COL6A6: variants seen among roughly 807,000 people sequenced by gnomAD.
COL6A6 encodes collagen alpha-6(VI) chain.
COL6A6 carries 183 observed loss-of-function variants against 208.6 expected under a neutral mutation model. That is an observed-to-expected ratio of 0.88 (90% CI 0.78 to 0.99). The LOEUF is 0.99. Ranked by LOEUF, COL6A6 falls within the 50% of genes least tolerant of loss-of-function variation. COL6A6 has a pLI of 0.00. For missense variants in COL6A6, 2,816 were observed against 2,815.2 expected (o/e 1.00, Z -0.01); for synonymous variants, 973 against 1,011.8 (o/e 0.96, Z 0.73).
chr3:130,574,235 T>A lies in COL6A6; in HGVS notation c.3257T>A (p.Val1086Glu). 1 of 1,613,576 alleles carries A rather than the reference T, an allele frequency of 6.2e-7. No individual in the cohort carries two copies. Among genetic ancestry groups the A allele is most frequent in the South Asian group, 1.1e-5 (1 of 91,066 alleles). The change falls in exon 8 of 37, where the codon GTG becomes GAG. Residue 1086 changes from valine to glutamate, a missense_variant. Transcript: ENST00000358511. ...CACATCGGTGCTGCACTCAGGGAGG[T>A]GGAACATTACTTCAGGCCAGACATG... ...NTHIGAALRE[V>E]EHYFRPDMGS...
chr3:130,519,002 ATT>A (rs966133795), intron 1 of COL6A6, among the ~76,000 whole-genome samples: 2 of 152,146 alleles, frequency 1.3e-5, no homozygotes, highest in East Asian at 3.8e-4. Flanking sequence ...ATTTTGCTAA[ATT>A]TTTTGTGAAC....
chr3:130,550,382 G>C (rs1197076544), intron 1 of COL6A6, among the ~76,000 whole-genome samples: 1 of 152,126 alleles, frequency 6.6e-6, no homozygotes, highest in African/African-American at 2.4e-5. Context: ...GTTTTGTTCT[G>C]GTTTTCAAGG....
chr3:130,578,085 C>T (rs576554818), intron 8 of COL6A6, among the ~76,000 whole-genome samples: 1 of 152,256 alleles, frequency 6.6e-6, no homozygotes, highest in East Asian at 1.9e-4. Flanking sequence ...CTAGAGGAGA[C>T]TTTGAGCAAT....
intron 7 of COL6A6, among the ~76,000 whole-genome samples, chr3:130,572,388 G>A (rs1412345467): frequency 6.6e-6 from 1 of 152,124 alleles, no homozygotes; most frequent in Non-Finnish European, 1.5e-5. Flanking sequence ...TTCCCAAGAT[G>A]TATTTTACTA....
intron 1 of COL6A6, among the ~76,000 whole-genome samples, chr3:130,542,029 A>G (rs2062375650): frequency 6.6e-6 from 1 of 151,622 alleles, no homozygotes; most frequent in African/African-American, 2.4e-5. Context: ...TTCTGACATT[A>G]GTAATTTGTG....
At chr3:130,605,341 C>T (rs1349263622) in intron 20 of COL6A6, among the ~76,000 whole-genome samples, 2 of 151,604 alleles carry the variant, frequency 1.3e-5, no homozygotes, top group East Asian at 3.9e-4. Context: ...TCCTCCCAAA[C>T]CCAAAGAATG....
chr3:130,535,249 T>G (rs2062196714), intron 1 of COL6A6, among the ~76,000 whole-genome samples: 1 of 152,210 alleles, frequency 6.6e-6, no homozygotes, highest in African/African-American at 2.4e-5. Flanking sequence ...ATTCTTGTTT[T>G]AAATGTTCTA....
chr3:130,531,220 G>A (rs1444615275), intron 1 of COL6A6, among the ~76,000 whole-genome samples: 1 of 152,082 alleles, frequency 6.6e-6, no homozygotes, highest in Non-Finnish European at 1.5e-5. Context: ...CCTTCGGGCT[G>A]CACAATTCTT....
At chr3:130,542,898 C>CTTTTTTTTTTTTT (rs56339748) in intron 1 of COL6A6, among the ~76,000 whole-genome samples, 29 of 92,600 alleles carry the variant, frequency 3.1e-4, no homozygotes, top group African/African-American at 1.1e-3. Flanking sequence ...TCCATTCACT[C>CTTTTTTTTTTTTT]TTTTTTTTTT....
intron 8 of COL6A6, among the ~76,000 whole-genome samples, chr3:130,579,306 C>G (rs896338923): frequency 1.3e-5 from 2 of 152,168 alleles, no homozygotes; most frequent in African/African-American, 2.4e-5. Context: ...CCAATTCACT[C>G]TTTTCTGTGC....
At chr3:130,654,437 G>T (rs957451777) in intron 33 of COL6A6, among the ~76,000 whole-genome samples, 2 of 152,162 alleles carry the variant, frequency 1.3e-5, no homozygotes, top group African/African-American at 4.8e-5. Context: ...GTGAAGGCAT[G>T]ATTCACTTAA....
At chr3:130,570,238 G>T (rs986217343) in intron 6 of COL6A6, among the ~76,000 whole-genome samples, 3 of 152,166 alleles carry the variant, frequency 2.0e-5, no homozygotes, top group Non-Finnish European at 4.4e-5. Context: ...TGCGAAGTGG[G>T]CTTATTTCTA....
chr3:130,656,146 C>T (rs76304277), intron 33 of COL6A6, among the ~76,000 whole-genome samples: 3,209 of 152,332 alleles, frequency 0.021, 100 homozygotes, highest in East Asian at 0.1. Context: ...TCTTCTCTCT[C>T]CTCTCCTCTC....
intron 1 of COL6A6, among the ~76,000 whole-genome samples, chr3:130,531,061 GTCTCTC>G (rs10662894): frequency 0.052 from 7,159 of 136,562 alleles, 588 homozygotes; most frequent in African/African-American, 0.19. Flanking sequence ...CACACACACA[GTCTCTC>G]TCTCTCTCTC....
chr3:130,621,775 T>G, intron 23 of COL6A6, 46 bp from the exon 24 acceptor site: 1 of 1,536,366 alleles, frequency 6.5e-7, no homozygotes, highest in East Asian at 2.2e-5. Flanking sequence ...TGAAGAAAAG[T>G]TGCTTTATGT....
In COL6A6 at chr3:130,598,428, C is replaced by A. The variant is rs149354340; in HGVS notation, c.4597C>A (p.Gln1533Lys). ...AGGCTTGAAAGGAGAACGTGGAAGA[C>A]AAGTAATTACGTGGGCTTGTAAAAT... ...PTGLKGERGR[Q>K]GRRGWPGPPG... The change falls in exon 19 of 37, where the codon CAA (glutamine) becomes AAA (lysine). Residue 1533 changes from glutamine to lysine, a missense_variant and splice_region_variant. Physicochemically the swap from Gln to Lys is moderately conservative, Grantham distance 53 (BLOSUM62 1). Transcript: ENST00000358511. 7.6e-4 allele frequency: 1,173 copies of A among 1,546,926 alleles called. 8 individuals carry two copies. The African/African-American group carries it at 0.014, about 19-fold the overall frequency.
chr3:130,553,820 T>C (rs2062703096), intron 1 of COL6A6, among the ~76,000 whole-genome samples: 1 of 150,558 alleles, frequency 6.6e-6, no homozygotes, highest in Non-Finnish European at 1.5e-5. Flanking sequence ...GTCCTTTGAA[T>C]GGGTGTTGCG....
intron 33 of COL6A6, among the ~76,000 whole-genome samples, chr3:130,654,057 C>T (rs753879498): frequency 2.3e-4 from 35 of 152,132 alleles, no homozygotes; most frequent in Non-Finnish European, 1.5e-5. Context: ...CAAATGGCAG[C>T]AATGTTTGGG....
intron 1 of COL6A6, 23 bp from the exon 2 acceptor site, chr3:130,560,311 T>C: frequency 2.1e-6 from 3 of 1,399,600 alleles, no homozygotes; most frequent in Non-Finnish European, 3.0e-6. Context: ...CACAACAATT[T>C]GTTTATATTT....
Sources: allele counts gnomAD v4.1 joint callset (sites outside exome capture counted in the v4.1 genomes callset), GRCh38; gene constraint gnomAD v4.1.1; transcripts MANE v1.5; gene names NCBI Gene and HGNC (gene_info 2026-07-23, HGNC 2026-07-21).